Variants in SERPINA12 observed in about 807,000 individuals in gnomAD.
SERPINA12 encodes the protein serpin A12.
SERPINA12 carries 21 observed loss-of-function variants against 25.9 expected under a neutral mutation model. That is an observed-to-expected ratio of 0.81 (90% CI 0.58 to 1.17). The LOEUF (loss-of-function observed/expected upper bound fraction) is 1.17, where lower values mean the gene tolerates loss of function less well. Ranked by LOEUF, SERPINA12 falls within the 50% of genes most tolerant of loss-of-function variation. The pLI is 0.00. For missense variants in SERPINA12, 562 were observed against 508.3 expected, an observed-to-expected ratio of 1.11 and a Z score of -1.02; for synonymous variants, 220 against 196.0, an observed-to-expected ratio of 1.12 and a Z score of -1.02.
intron 3 of SERPINA12, among the ~76,000 whole-genome samples, chr14:94,494,484 A>G (rs1315493892): frequency 6.6e-6 from 1 of 152,162 alleles, no homozygotes; most frequent in Non-Finnish European, 1.5e-5. Context: ...ATAAAGTCAC[A>G]TTTATGGAAG....
At chr14:94,512,766 T>G (rs1391253592), upstream of SERPINA12, among the ~76,000 whole-genome samples, 1 of 152,218 alleles carries the variant, frequency 6.6e-6, no homozygotes, top group East Asian at 1.9e-4. Context: ...GGGTAGTCAG[T>G]AGTTACCCAA....
chr14:94,497,624 C>G (rs1173490876), intron 2 of SERPINA12, 140 bp downstream of exon 2: 4 of 727,788 alleles, frequency 5.5e-6, no homozygotes, highest in Non-Finnish European at 8.8e-6. Flanking sequence ...AACCATTTTA[C>G]AGATAGGAAA....
intron 1 of SERPINA12, among the ~76,000 whole-genome samples, chr14:94,505,708 G>A (rs1171294841): frequency 1.3e-5 from 2 of 152,296 alleles, no homozygotes; most frequent in Admixed American, 1.3e-4. Context: ...TGAGGGCCAT[G>A]CCTCCCTGCC....
intron 1 of SERPINA12, chr14:94,503,390 CTG>C (rs1566813429): frequency 1.2e-6 from 1 of 857,500 alleles, no homozygotes; most frequent in Non-Finnish European, 1.4e-6. Context: ...AGTCCTCACT[CTG>C]TGTCAGGCAC....
chr14:94,506,905 T>C (rs1900947168), intron 1 of SERPINA12, among the ~76,000 whole-genome samples: 1 of 152,164 alleles, frequency 6.6e-6, no homozygotes, highest in African/African-American at 2.4e-5. Context: ...CCACCAGGTA[T>C]CAAGATGGCT....
Position 94,497,784 on chromosome 14 carries a change from G to T in SERPINA12, c.614C>A (p.Ala205Glu). ...CTTACCTCGAAAGAAAATATAATTT[G>T]CAAGAAGCATCACAGTGCCGGGGTC... The part of the protein sequence containing the change: ...NIDPGTVMLL[A>E]NYIFFRARWK... Residue 205 changes from alanine to glutamate, a missense_variant, in exon 2 of 5, where the codon GCA becomes GAA. Transcript: ENST00000677451. 6.2e-7 allele frequency: 1 copy of T among 1,605,316 alleles called. No homozygotes were observed. Among genetic ancestry groups the T allele is most frequent in the Non-Finnish European group, 8.5e-7 (1 of 1,176,228 alleles).
chr14:94,507,885 G>A (rs562194187), intron 1 of SERPINA12, among the ~76,000 whole-genome samples: 1 of 152,330 alleles, frequency 6.6e-6, no homozygotes, highest in East Asian at 1.9e-4. Flanking sequence ...ACCAAGACAT[G>A]TACTGCAATG....
chr14:94,489,380 T>G (rs1900054565), intron 4 of SERPINA12, among the ~76,000 whole-genome samples: 2 of 152,196 alleles, frequency 1.3e-5, no homozygotes, highest in South Asian at 4.1e-4. Context: ...GATCAACGTT[T>G]GCTACATTGA....
chr14:94,508,146 T>C (rs906374519), intron 1 of SERPINA12, among the ~76,000 whole-genome samples: 1 of 152,252 alleles, frequency 6.6e-6, no homozygotes, highest in Non-Finnish European at 1.5e-5. Flanking sequence ...CAAATTATAC[T>C]GTACCTCCAA....
At chr14:94,496,142 C>T (rs1900406667) in intron 3 of SERPINA12, among the ~76,000 whole-genome samples, 1 of 152,198 alleles carries the variant, frequency 6.6e-6, no homozygotes, top group Non-Finnish European at 1.5e-5. Flanking sequence ...GACCACCGCC[C>T]TCCAGTAAGA....
chr14:94,509,532 C>T (rs1236408214), upstream of SERPINA12, among the ~76,000 whole-genome samples: 3 of 152,158 alleles, frequency 2.0e-5, no homozygotes, highest in African/African-American at 7.2e-5. Context: ...CAACGACCTA[C>T]TAAGCCTGCC....
At chr14:94,503,168 T>C (rs1900801089) in intron 1 of SERPINA12, 6 of 977,154 alleles carry the variant, frequency 6.1e-6, no homozygotes, top group Non-Finnish European at 7.3e-6. Flanking sequence ...ATTAAATTAT[T>C]ATTTTTAAAA....
chr14:94,510,212 C>T, upstream of SERPINA12: 1 of 985,334 alleles, frequency 1.0e-6, no homozygotes, highest in South Asian at 4.7e-5. Flanking sequence ...CTGAGAGAGC[C>T]AAACTATTGG....
At chr14:94,489,177 G>A (rs1421232947) in intron 4 of SERPINA12, among the ~76,000 whole-genome samples, 8 of 140,286 alleles carry the variant, frequency 5.7e-5, no homozygotes, top group East Asian at 2.1e-4. Flanking sequence ...GAAAAAAAGA[G>A]AGAGAGAGAC....
chr14:94,488,398 AC>A (rs1378343857), intron 4 of SERPINA12, among the ~76,000 whole-genome samples: 1 of 149,972 alleles, frequency 6.7e-6, no homozygotes, highest in Non-Finnish European at 1.5e-5. Context: ...ATATCCAAAA[AC>A]CCCCAGCCTT....
At chr14:94,517,816 G>A (rs1433982764) in exon 1 of SERPINA12, 1 of 152,268 alleles carries the variant, frequency 6.6e-6, no homozygotes, top group African/African-American at 2.4e-5. Flanking sequence ...CAGGGGGCTG[G>A]TGAGGACTCT....
intron 3 of SERPINA12, among the ~76,000 whole-genome samples, chr14:94,492,414 C>T (rs989149529): frequency 6.6e-6 from 1 of 152,208 alleles, no homozygotes; most frequent in Non-Finnish European, 1.5e-5. Flanking sequence ...CAGGCCAGCA[C>T]AAGCCATACA....
chr14:94,505,160 G>C (rs1024214384), intron 1 of SERPINA12, among the ~76,000 whole-genome samples: 4 of 152,218 alleles, frequency 2.6e-5, no homozygotes, highest in African/African-American at 9.7e-5. Context: ...AGAGCCATGG[G>C]TGTTGTTTTC....
intron 4 of SERPINA12, among the ~76,000 whole-genome samples, chr14:94,488,230 CTA>C (rs759903284): frequency 3.3e-5 from 5 of 152,122 alleles, no homozygotes; most frequent in African/African-American, 4.8e-5. Context: ...ATTCTAGTAA[CTA>C]TGTTTCTTAT....
Sources: gnomAD v4.1 joint callset for allele counts (sites outside exome capture counted in the v4.1 genomes callset) on GRCh38, gnomAD v4.1.1 for gene constraint, MANE v1.5 for transcripts, NCBI Gene and HGNC (gene_info 2026-07-23, HGNC 2026-07-21) for gene names.